LRBA: variants seen among roughly 807,000 people sequenced by gnomAD.
LRBA encodes lipopolysaccharide-responsive and beige-like anchor protein.
In LRBA, 176 loss-of-function variants were observed where a neutral mutation model predicts 330.0. That is an observed-to-expected ratio of 0.53 (90% CI 0.47 to 0.60). LRBA has a LOEUF of 0.60. Among genes scored for constraint, LRBA ranks in the 20% least tolerant of loss-of-function variants. The pLI is 0.00. For missense variants in LRBA, 3,259 were observed against 3,444.8 expected (o/e 0.95, Z 1.35); for synonymous variants, 1,230 against 1,193.0 (o/e 1.03, Z -0.64).
At chr4:150,823,791 C>T (rs1463487203) in intron 30 of LRBA, among the ~76,000 whole-genome samples, 1 of 152,062 alleles carries the variant, frequency 6.6e-6, no homozygotes, top group Non-Finnish European at 1.5e-5. Flanking sequence ...TTTGAGTTCT[C>T]TATTCTATTC....
intron 38 of LRBA, among the ~76,000 whole-genome samples, chr4:150,598,566 T>C (rs1476064307): frequency 6.6e-6 from 1 of 152,178 alleles, no homozygotes; most frequent in African/African-American, 2.4e-5. Flanking sequence ...CATTTATTAT[T>C]ATCTTTCCCA....
At position 150,868,245 on chromosome 4, in the gene LRBA, T is replaced by A; in HGVS notation, c.2510A>T (p.Glu837Val). The part of the protein sequence containing the change: ...RNSPQCPESM[E>V]VRRAFLSDMI... The stretch of plus-strand genomic sequence containing the variant: ...GTCAGAAAGAAAGGCTCTGCGAACC[T>A]CCATGCTCTCTGGGCACTGGGGAGA... Residue 837 changes from glutamate to valine, a missense_variant, in exon 21 of 57, where the codon GAG becomes GTG. Coordinates refer to ENST00000651943, the MANE Select transcript of LRBA (RefSeq NM_001364905.1). 6.2e-7 allele frequency: 1 copy of A among 1,612,498 alleles called. No homozygotes were observed. The highest frequency in any genetic ancestry group is 8.5e-7 in the Non-Finnish European group (1 of 1,178,654).
intron 37 of LRBA, among the ~76,000 whole-genome samples, chr4:150,672,867 T>A (rs1442477360): frequency 6.6e-6 from 1 of 152,174 alleles, no homozygotes; most frequent in African/African-American, 2.4e-5. Context: ...AATTCTTAGT[T>A]CCATAACAAA....
intron 56 of LRBA, among the ~76,000 whole-genome samples, chr4:150,275,385 C>G (rs1295155215): frequency 1.3e-5 from 2 of 152,200 alleles, no homozygotes; most frequent in African/African-American, 4.8e-5. Context: ...AGGATATACC[C>G]TCTCTCACCA....
intron 30 of LRBA, among the ~76,000 whole-genome samples, chr4:150,822,775 A>G (rs1018679285): frequency 6.6e-6 from 1 of 152,094 alleles, no homozygotes; most frequent in Admixed American, 6.6e-5. Context: ...ATAAATAAAA[A>G]TTGAAGCCAG....
intron 47 of LRBA, among the ~76,000 whole-genome samples, chr4:150,405,112 T>G (rs17588916): frequency 0.22 from 32,895 of 151,940 alleles, 4,425 homozygotes; most frequent in Non-Finnish European, 0.31. Context: ...CACAACAAGA[T>G]GGAAACCCTA....
chr4:150,278,078 T>C, intron 55 of LRBA, 74 bp from the exon 56 acceptor site: 1 of 1,312,888 alleles, frequency 7.6e-7, no homozygotes, highest in Non-Finnish European at 1.1e-6. Context: ...TTTTGAGTCA[T>C]TCTTACACCA....
chr4:150,846,436 A>AG (rs1381584607), intron 26 of LRBA, among the ~76,000 whole-genome samples: 1 of 151,878 alleles, frequency 6.6e-6, no homozygotes, highest in African/African-American at 2.4e-5. Context: ...AGGCTGAGAT[A>AG]GGGCAATTGC....
At chr4:150,903,123 T>G (rs1364213661) in intron 13 of LRBA, among the ~76,000 whole-genome samples, 1 of 152,228 alleles carries the variant, frequency 6.6e-6, no homozygotes, top group Non-Finnish European at 1.5e-5. Flanking sequence ...AGCTCAAGAC[T>G]GTAATCCCAA....
In LRBA at chr4:150,900,174, C is replaced by T. The variant is rs1370908469; in HGVS notation, c.1799G>A (p.Gly600Asp). The T allele has an allele frequency of 6.2e-7, 1 of 1,612,960 alleles. No individual in the cohort carries two copies. Among genetic ancestry groups the T allele is most frequent in the Non-Finnish European group, 8.5e-7 (1 of 1,179,332 alleles). ...LYTYLSTEFI[G>D]TVNIYNTIRR... The stretch of plus-strand genomic sequence containing the variant: ...AATGGTGTTATATATGTTGACTGTA[C>T]CAATGAATTCCGTGGACAGATAAGT... The change falls in exon 14 of 57, where the codon GGT becomes GAT. Residue 600 changes from glycine to aspartate, a missense_variant. By Grantham distance (94) the Gly-to-Asp change is moderately conservative. Transcript: ENST00000651943.
chr4:150,893,239 T>G, intron 16 of LRBA, 90 bp from the exon 17 acceptor site: 1 of 683,178 alleles, frequency 1.5e-6, no homozygotes. Context: ...ATTTCAACAT[T>G]AGAAATATAA....
At chr4:150,269,006 AAC>A (rs1580845272) in intron 56 of LRBA, among the ~76,000 whole-genome samples, 2 of 32,206 alleles carry the variant, frequency 6.2e-5, no homozygotes, top group Non-Finnish European at 2.6e-4. Flanking sequence ...ACCAAAACAA[AAC>A]AAAAGAGCTA....
chr4:150,718,410 T>C (rs1007054517), intron 36 of LRBA, among the ~76,000 whole-genome samples: 1 of 152,244 alleles, frequency 6.6e-6, no homozygotes, highest in Middle Eastern at 3.4e-3. Context: ...TTTAAGAATG[T>C]ACAGCTTGAA....
At chr4:150,758,013 T>C in intron 35 of LRBA, among the ~76,000 whole-genome samples, 1 of 152,140 alleles carries the variant, frequency 6.6e-6, no homozygotes. Flanking sequence ...GATATAAAAA[T>C]AAATTATTCA....
At chr4:150,273,397 G>A (rs952381738) in intron 56 of LRBA, among the ~76,000 whole-genome samples, 15 of 152,156 alleles carry the variant, frequency 9.9e-5, no homozygotes, top group Non-Finnish European at 1.8e-4. Context: ...GAAGGAAACT[G>A]CATCAACTAA....
intron 36 of LRBA, among the ~76,000 whole-genome samples, chr4:150,695,791 C>G (rs898143263): frequency 6.6e-6 from 1 of 152,180 alleles, no homozygotes; most frequent in East Asian, 1.9e-4. Flanking sequence ...GTTAGATGAT[C>G]TTAAGCAAAT....
chr4:150,575,281 GT>G (rs758721455), intron 40 of LRBA, among the ~76,000 whole-genome samples: 24 of 151,824 alleles, frequency 1.6e-4, no homozygotes, highest in Non-Finnish European at 3.1e-4. Flanking sequence ...TTTTGTTGTT[GT>G]TGTTTAACCA....
At chr4:150,698,146 A>G (rs917721847) in intron 36 of LRBA, among the ~76,000 whole-genome samples, 3 of 152,180 alleles carry the variant, frequency 2.0e-5, no homozygotes, top group Non-Finnish European at 4.4e-5. Context: ...CAGAAACAAC[A>G]ATAGCCAATA....
rs781184660 is a variant in LRBA, at chr4:150,448,829, G to T, written c.6781-11965C>A. On this transcript the variant is annotated intron_variant, in intron 44 of 56. Coordinates refer to ENST00000651943, the MANE Select transcript of LRBA (RefSeq NM_001364905.1). ...AAAAAAAAAAAAAAAAAAAGGGGGGGGGGGTGGGCAGGAAAGAAGAATCTG... is the reference window on the plus strand; with the variant it reads ...AAAAAAAAAAAAAAAAAAAGGGGGGTGGGGTGGGCAGGAAAGAAGAATCTG... 9.3e-3 allele frequency among the ~76,000 whole-genome samples: 1,176 copies of T among 126,390 alleles called. 32 individuals carry two copies. Among genetic ancestry groups the T allele is most frequent in the Non-Finnish European group, 0.014 (881 of 61,172 alleles). 82.9% of individuals were successfully genotyped at this position (126,390 alleles called of 152,430 possible).
Sources: gnomAD v4.1 joint callset for allele counts (sites outside exome capture counted in the v4.1 genomes callset) on GRCh38, gnomAD v4.1.1 for gene constraint, MANE v1.5 for transcripts, NCBI Gene and HGNC (gene_info 2026-07-23, HGNC 2026-07-21) for gene names.